Variants in KLHL25 observed in about 807,000 individuals in gnomAD.
The protein encoded by KLHL25 is kelch-like protein 25.
Under a neutral mutation model 30.0 loss-of-function variants are expected in KLHL25, and 41 were observed. The ratio of observed to expected loss-of-function variants is 1.37; its 90% CI spans 1.07 to 1.78. KLHL25 has a LOEUF of 1.78. KLHL25 is among the 40% of genes most tolerant of loss of function. The pLI is 0.00. For missense variants in KLHL25, 971 were observed against 824.5 expected (o/e 1.18, Z -2.18); for synonymous variants, 399 against 355.3 (o/e 1.12, Z -1.38).
chr15:85,790,159 G>A (rs747591986), intron 1 of KLHL25, among the ~76,000 whole-genome samples: 1 of 152,134 alleles, frequency 6.6e-6, no homozygotes, highest in Non-Finnish European at 1.5e-5. Flanking sequence ...GTGCAATCTC[G>A]GCTCGCTGCA....
intron 1 of KLHL25, among the ~76,000 whole-genome samples, chr15:85,775,182 G>T (rs563839387): frequency 6.6e-6 from 1 of 152,226 alleles, no homozygotes; most frequent in South Asian, 2.1e-4. Flanking sequence ...CGGCCAGGGC[G>T]ATTATTTTAG....
intron 1 of KLHL25, among the ~76,000 whole-genome samples, chr15:85,774,066 G>A (rs2089694363): frequency 6.6e-6 from 1 of 152,176 alleles, no homozygotes; most frequent in Non-Finnish European, 1.5e-5. Flanking sequence ...CAGGGCCTGG[G>A]GATGCAAAAG....
At chr15:85,784,405 C>T (rs1224058415) in intron 1 of KLHL25, among the ~76,000 whole-genome samples, 2 of 152,032 alleles carry the variant, frequency 1.3e-5, no homozygotes, top group Non-Finnish European at 1.5e-5. Context: ...GTGGCACACA[C>T]CTGTAATCCC....
chr15:85,772,254 T>G (rs899536286), intron 1 of KLHL25, among the ~76,000 whole-genome samples: 9 of 152,206 alleles, frequency 5.9e-5, no homozygotes, highest in Admixed American at 2.6e-4. Flanking sequence ...CCTAAGCCCA[T>G]GCCCTCTCCA....
At chr15:85,787,243 T>C (rs2089787009) in intron 1 of KLHL25, among the ~76,000 whole-genome samples, 1 of 152,118 alleles carries the variant, frequency 6.6e-6, no homozygotes, top group South Asian at 2.1e-4. Flanking sequence ...GGTCAGGAGT[T>C]TGAGACCAGC....
Position 85,770,916 on chromosome 15 carries a change from G to A in KLHL25, c.-10-1096C>T, listed in dbSNP as rs772501432. ...GTCATTAATGTCCAGTGAATGGCAT[G>A]ACCCGAGGCCCCAGTTCAGTACTTT... On this transcript the variant is annotated intron_variant, in intron 1 of 2. Coordinates refer to ENST00000337975, the MANE Select transcript of KLHL25 (RefSeq NM_022480.4). 3.4e-5 allele frequency: 10 copies of A among 289,882 alleles called. No homozygotes were observed. The Admixed American group carries it at 4.4e-4, about 13-fold the overall frequency. 18.0% of individuals were successfully genotyped at this position (289,882 alleles called of 1,614,324 possible). A position where few individuals can be genotyped will look rare whatever the true frequency, so the allele number is the denominator to read the frequency against.
intron 1 of KLHL25, among the ~76,000 whole-genome samples, chr15:85,781,174 T>C (rs1040558267): frequency 3.9e-5 from 6 of 152,076 alleles, no homozygotes; most frequent in Admixed American, 3.3e-4. Context: ...GCACCTGTAA[T>C]CCCAGCTACT....
Position 85,787,591 on chromosome 15 carries a change from G to A in KLHL25, c.-11+7175C>T, listed in dbSNP as rs914867814. Among the ~76,000 whole-genome samples, 7 of 152,328 alleles carry A rather than the reference G, an allele frequency of 4.6e-5. No homozygotes were observed. The East Asian group carries it at 9.6e-4, about 21-fold the overall frequency. On this transcript the variant is annotated intron_variant, in intron 1 of 2. Transcript: ENST00000337975. The stretch of plus-strand genomic sequence containing the variant: ...ATCACACTTGCTCAGAAAGATGCAT[G>A]ATGAAGGACACACAAGATTTCATTG...
At chr15:85,763,868 C>T (rs72751818) in intron 2 of KLHL25, 7,214 of 152,392 alleles carry the variant, frequency 0.047, 250 homozygotes, top group Middle Eastern at 0.13. Context: ...CCATCTCGGG[C>T]CCAGGCACTG....
In KLHL25 at chr15:85,769,458, T is replaced by TC; in HGVS notation, c.352dup (p.Glu118GlyfsTer49). 1 of 1,614,034 alleles carries TC rather than the reference T, an allele frequency of 6.2e-7. No homozygotes were observed. The highest frequency in any genetic ancestry group is 2.2e-5 in the East Asian group (1 of 44,886). On this transcript the variant is annotated frameshift_variant, in exon 2 of 3. Coordinates refer to ENST00000337975, the MANE Select transcript of KLHL25 (RefSeq NM_022480.4). LOFTEE classifies it high-confidence loss of function. Reference sequence around the variant, plus strand: ...CATGTCGCCTGCCTCCAGCAGTGACTCAGCGTTCTCCTCGTTGATGGCGAT... The same window carrying TC: ...CATGTCGCCTGCCTCCAGCAGTGACTCCAGCGTTCTCCTCGTTGATGGCGAT...
chr15:85,777,561 T>C (rs538352304), intron 1 of KLHL25, among the ~76,000 whole-genome samples: 1 of 152,310 alleles, frequency 6.6e-6, no homozygotes, highest in Admixed American at 6.5e-5. Flanking sequence ...TGCTCCAGCC[T>C]TTTCACGTAA....
chr15:85,786,014 C>T (rs554919113), intron 1 of KLHL25, among the ~76,000 whole-genome samples: 1 of 123,600 alleles, frequency 8.1e-6, no homozygotes, highest in East Asian at 2.7e-4. Context: ...GAGTGAGATG[C>T]TTCCCTTACT....
chr15:85,768,546 T>C lies in KLHL25; in HGVS notation c.1265A>G (p.Asn422Ser), dbSNP rs763756552. Reference protein sequence around the residue: ...KQVEKYDPGANKWMMVAPLRD... With the variant: ...KQVEKYDPGASKWMMVAPLRD... ...CAAGGGGGCCACCATCATCCACTTG[T>C]TGGCCCCAGGGTCGTATTTCTCCAC... Residue 422 changes from asparagine to serine, a missense_variant, in exon 2 of 3, where the codon AAC becomes AGC. By Grantham distance (46) the Asn-to-Ser change is conservative. Transcript: ENST00000337975. The C allele has an allele frequency of 3.7e-6, 6 of 1,613,524 alleles. No homozygotes were observed. The highest frequency in any genetic ancestry group is 3.3e-5 in the South Asian group (3 of 91,072).
chr15:85,771,602 T>G (rs573363246), intron 1 of KLHL25, among the ~76,000 whole-genome samples: 101 of 152,356 alleles, frequency 6.6e-4, no homozygotes, highest in African/African-American at 2.2e-3. Context: ...AGGGCCAGAC[T>G]GGCCTTGCTG....
chr15:85,773,715 G>A (rs2089692302), intron 1 of KLHL25, among the ~76,000 whole-genome samples: 1 of 152,196 alleles, frequency 6.6e-6, no homozygotes, highest in Non-Finnish European at 1.5e-5. Context: ...AACGAAGCAG[G>A]CCCTTTCCCT....
intron 2 of KLHL25, chr15:85,764,238 T>C (rs1328065336): frequency 1.3e-5 from 2 of 152,322 alleles, no homozygotes; most frequent in Non-Finnish European, 2.9e-5. Context: ...ACTCGGACAC[T>C]GAGCTGTCCA....
intron 1 of KLHL25, among the ~76,000 whole-genome samples, chr15:85,779,175 T>C (rs2089728841): frequency 6.6e-6 from 1 of 152,046 alleles, no homozygotes; most frequent in Non-Finnish European, 1.5e-5. Context: ...CAGCCATGGA[T>C]GGGCAGCACC....
At chr15:85,779,791 G>T (rs900187683) in intron 1 of KLHL25, among the ~76,000 whole-genome samples, 1 of 152,188 alleles carries the variant, frequency 6.6e-6, no homozygotes, top group Non-Finnish European at 1.5e-5. Context: ...TAGTGTCTTT[G>T]TGGTTGTCAA....
In KLHL25 at chr15:85,769,155, T is replaced by A. The variant is rs921086170; in HGVS notation, c.656A>T (p.Lys219Met). 2 of 1,612,586 alleles carry A rather than the reference T, an allele frequency of 1.2e-6. No individual in the cohort carries two copies. Among genetic ancestry groups the A allele is most frequent in the Admixed American group, 1.7e-5 (1 of 60,008 alleles). ...VVFEAILQWV[K>M]HDLEPRKVHL... The stretch of plus-strand genomic sequence containing the variant: ...GACCTTCCGTGGCTCCAGGTCGTGC[T>A]TCACCCACTGGAGGATGGCCTCGAA... Residue 219 changes from lysine to methionine, a missense_variant, in exon 2 of 3, where the codon AAG becomes ATG. Lys to Met is a moderately conservative substitution (Grantham distance 95, BLOSUM62 -1). Transcript: ENST00000337975.
Sources: allele counts gnomAD v4.1 joint callset (sites outside exome capture counted in the v4.1 genomes callset), GRCh38; gene constraint gnomAD v4.1.1; transcripts MANE v1.5; gene names NCBI Gene and HGNC (gene_info 2026-07-23, HGNC 2026-07-21).